Variants in CELF5 observed in about 807,000 individuals in gnomAD.
The protein encoded by CELF5 is CUGBP Elav-like family member 5, also known as CUG-BP and ETR-3 like factor 5.
In CELF5, 6 loss-of-function variants were observed where a neutral mutation model predicts 54.9. The observed-to-expected ratio is 0.11, with a 90% confidence interval of 0.06 to 0.22. CELF5 has a LOEUF of 0.22. CELF5 is among the 10% of genes least tolerant of loss of function. The pLI is 1.00. For missense variants in CELF5, 401 were observed against 678.6 expected (o/e 0.59, Z 4.54); for synonymous variants, 271 against 290.9 (o/e 0.93, Z 0.70).
intron 11 of CELF5, 91 bp downstream of exon 11, chr19:3,290,465 G>C (rs996034031): frequency 7.1e-7 from 1 of 1,412,968 alleles, no homozygotes; most frequent in African/African-American, 1.4e-5. Flanking sequence ...CCTCGGGACA[G>C]GGCTGTGCTG....
At chr19:3,250,527 G>A (rs926446903) in intron 1 of CELF5, among the ~76,000 whole-genome samples, 2 of 152,042 alleles carry the variant, frequency 1.3e-5, no homozygotes, top group African/African-American at 4.8e-5. Context: ...ACAGCTCAGT[G>A]GTATTAAGCA....
At chr19:3,287,771 C>CAAA (rs2080278761) in intron 10 of CELF5, among the ~76,000 whole-genome samples, 1 of 151,592 alleles carries the variant, frequency 6.6e-6, no homozygotes, top group South Asian at 2.1e-4. Context: ...AAAACAACAA[C>CAAA]AAAATCAAAA....
chr19:3,235,234 T>C (rs1414942351), intron 1 of CELF5, among the ~76,000 whole-genome samples: 2 of 151,880 alleles, frequency 1.3e-5, no homozygotes, highest in African/African-American at 2.4e-5. Context: ...AAGCTTCACC[T>C]TTTTTTGTGA....
chr19:3,267,893 T>C (rs1027107079), intron 2 of CELF5, among the ~76,000 whole-genome samples: 3 of 152,122 alleles, frequency 2.0e-5, no homozygotes, highest in Non-Finnish European at 4.4e-5. Flanking sequence ...AAACCAAACC[T>C]GAGAATGGGC....
chr19:3,294,249 G>T (rs899393325), intron 12 of CELF5: 2 of 152,112 alleles, frequency 1.3e-5, no homozygotes, highest in African/African-American at 2.4e-5. Flanking sequence ...ACTTAACCGT[G>T]GGTCTCAAAC....
intron 10 of CELF5, among the ~76,000 whole-genome samples, chr19:3,289,000 T>C (rs911614826): frequency 1.3e-5 from 2 of 152,218 alleles, no homozygotes; most frequent in African/African-American, 4.8e-5. Context: ...TTGTTATTTA[T>C]AGTTTTTATA....
intron 2 of CELF5, among the ~76,000 whole-genome samples, chr19:3,270,337 C>T (rs1183596103): frequency 6.6e-6 from 1 of 151,892 alleles, no homozygotes; most frequent in Non-Finnish European, 1.5e-5. Context: ...CCATGGGGAG[C>T]CAGAGAAGGT....
intron 2 of CELF5, among the ~76,000 whole-genome samples, chr19:3,252,408 G>T (rs973884289): frequency 6.6e-6 from 1 of 152,102 alleles, no homozygotes; most frequent in African/African-American, 2.4e-5. Context: ...AAGGATGAGT[G>T]GTCTCCCTGA....
At chr19:3,257,244 G>A (rs549250854) in intron 2 of CELF5, among the ~76,000 whole-genome samples, 51 of 152,326 alleles carry the variant, frequency 3.3e-4, no homozygotes, top group African/African-American at 1.2e-3. Context: ...AGGCCCTGAG[G>A]CTGGACCATG....
chr19:3,245,988 G>T (rs1170521880), intron 1 of CELF5, among the ~76,000 whole-genome samples: 1 of 152,186 alleles, frequency 6.6e-6, no homozygotes, highest in Non-Finnish European at 1.5e-5. Flanking sequence ...TTCAGAAAAC[G>T]ATTTGAAGGA....
chr19:3,283,464 C>T (rs1202934283), intron 8 of CELF5, among the ~76,000 whole-genome samples: 1 of 152,024 alleles, frequency 6.6e-6, no homozygotes, highest in African/African-American at 2.4e-5. Context: ...AATCCTCCCA[C>T]CTCAGCCTTC....
Position 3,282,578 on chromosome 19 carries a change from A to C in CELF5, c.1039+80A>C. 1 of 1,471,606 alleles carries C rather than the reference A, an allele frequency of 6.8e-7. No individual in the cohort carries two copies. Among genetic ancestry groups the C allele is most frequent in the Non-Finnish European group, 9.2e-7 (1 of 1,086,872 alleles). 91.2% of individuals were successfully genotyped at this position (1,471,606 alleles called of 1,614,324 possible). A position where few individuals can be genotyped will look rare whatever the true frequency, so the allele number is the denominator to read the frequency against. On this transcript the variant is annotated intron_variant, in intron 8 of 12. Transcript: ENST00000292672. The surrounding 1 kb of genome is among the most constrained non-coding windows in gnomAD (Gnocchi z 5.2). ...GTTTCTGGAACAAGTATGAGTCCCT[A>C]CATCACAGTGCCCAGGGAACAGAAG...
chr19:3,224,701 G>T lies in CELF5; in HGVS notation c.-39G>T. 1 of 1,007,934 alleles carries T rather than the reference G, an allele frequency of 9.9e-7. No homozygotes were observed. The allele number at this position is 1,007,934 out of a possible 1,614,324, so 62.4% of individuals were successfully genotyped here. ...CGCTCCAGCTGCGAGTCCGCCCGCC[G>T]CCCGCCGCCGCCGCCGCCGGCTCGG... On this transcript the variant is annotated 5_prime_UTR_variant, in exon 1 of 13. Coordinates refer to ENST00000292672, the MANE Select transcript of CELF5 (RefSeq NM_021938.4).
In CELF5 at chr19:3,282,637, A is replaced by G. The variant is rs1400022085; in HGVS notation, c.1039+139A>G. ...AAAGGGTGTCTCCGCTGAGCAGATA[A>G]GAGCTGTGGACACAGGAAGGGAGGC... is the stretch of plus-strand genomic sequence containing the variant. On this transcript the variant is annotated intron_variant, in intron 8 of 12. Transcript: ENST00000292672. The surrounding 1 kb of genome is among the most constrained non-coding windows in gnomAD (Gnocchi z 5.2). 5 of 958,822 alleles carry G rather than the reference A, an allele frequency of 5.2e-6. No individual in the cohort carries two copies. The Admixed American group carries it at 1.1e-4, about 21-fold the overall frequency. 59.4% of individuals were successfully genotyped at this position (958,822 alleles called of 1,614,324 possible).
At chr19:3,242,130 T>C (rs749291909) in intron 1 of CELF5, among the ~76,000 whole-genome samples, 4 of 152,196 alleles carry the variant, frequency 2.6e-5, no homozygotes, top group Non-Finnish European at 4.4e-5. Context: ...CAAGAGGCTG[T>C]GTTCTTCCTC....
In CELF5 at chr19:3,265,008, C is replaced by T. The variant is rs866785887; in HGVS notation, c.343-8864C>T. ...GGATTACAGGCACGAGCCACTGGGCCTGGCCTGTTTTACTTAATTTAATGA... is the reference window on the plus strand; with the variant it reads ...GGATTACAGGCACGAGCCACTGGGCTTGGCCTGTTTTACTTAATTTAATGA... On this transcript the variant is annotated intron_variant, in intron 2 of 12. Transcript: ENST00000292672. Among the ~76,000 whole-genome samples, 11 of 152,278 alleles carry T rather than the reference C, an allele frequency of 7.2e-5. No individual in the cohort carries two copies. The South Asian group carries it at 2.1e-3, about 29-fold the overall frequency.
intron 4 of CELF5, among the ~76,000 whole-genome samples, chr19:3,276,219 T>G (rs867013327): frequency 2.0e-3 from 16 of 8,178 alleles, no homozygotes; most frequent in Non-Finnish European, 2.4e-3. Context: ...GGCTGCAGGG[T>G]GGGGAGGAGC....
intron 8 of CELF5, among the ~76,000 whole-genome samples, chr19:3,283,734 G>C (rs1240402621): frequency 6.6e-6 from 1 of 152,098 alleles, no homozygotes; most frequent in Admixed American, 6.6e-5. Flanking sequence ...CCTGATGCCA[G>C]CAGCTTATCT....
chr19:3,251,197 G>A, intron 2 of CELF5, 130 bp downstream of exon 2: 1 of 673,994 alleles, frequency 1.5e-6, no homozygotes, highest in South Asian at 1.7e-5. Context: ...GGTATGAGGA[G>A]CAGAGGTATA....
Sources: allele counts gnomAD v4.1 joint callset (sites outside exome capture counted in the v4.1 genomes callset), GRCh38; gene constraint gnomAD v4.1.1; non-coding constraint Gnocchi (gnomAD v3.1); transcripts MANE v1.5; gene names NCBI Gene and HGNC (gene_info 2026-07-23, HGNC 2026-07-21).